EFR3B: variants seen among roughly 807,000 people sequenced by gnomAD.
The protein encoded by EFR3B is EFR3 homolog B, also known as protein EFR3 homolog B.
In EFR3B, 64 loss-of-function variants were observed where a neutral mutation model predicts 104.7. That is an observed-to-expected ratio of 0.61 (90% CI 0.50 to 0.75). EFR3B has a LOEUF of 0.75. EFR3B is among the 30% of genes least tolerant of loss of function. The pLI, the probability that EFR3B is intolerant of heterozygous loss-of-function variation, is 0.00. For missense variants in EFR3B, 750 were observed against 1,078.5 expected, an observed-to-expected ratio of 0.70 and a Z score of 4.27; for synonymous variants, 385 against 417.9, an observed-to-expected ratio of 0.92 and a Z score of 0.96.
chr2:25,125,729 A>G (rs577830663), intron 5 of EFR3B, among the ~76,000 whole-genome samples: 22 of 152,308 alleles, frequency 1.4e-4, no homozygotes, highest in African/African-American at 5.3e-4. Context: ...CGGGAGGATC[A>G]CAAGGTCAGC....
chr2:25,042,718 G>T lies in EFR3B; in HGVS notation c.7+399G>T. On this transcript the variant is annotated intron_variant, in intron 1 of 22. Coordinates refer to ENST00000403714, the MANE Select transcript of EFR3B (RefSeq NM_014971.2). This position sits in a 1 kb window ranked among gnomAD's most constrained non-coding sequence, Gnocchi z 5.4. ...AAGCCGGTCCAGGGCTGAGGGAGACGCCCGCGGCCGGTCGTCTGCGCGGCT... is the reference window on the plus strand; with the variant it reads ...AAGCCGGTCCAGGGCTGAGGGAGACTCCCGCGGCCGGTCGTCTGCGCGGCT... The T allele has an allele frequency of 1.0e-6, 1 of 993,490 alleles. No homozygotes were observed. The highest frequency in any genetic ancestry group is 1.0e-4 in the East Asian group (1 of 9,708). The allele number at this position is 993,490 out of a possible 1,614,324, so 61.5% of individuals were successfully genotyped here. A position where few individuals can be genotyped will look rare whatever the true frequency, so the allele number is the denominator to read the frequency against.
chr2:25,122,573 A>G (rs1398099283), intron 5 of EFR3B, among the ~76,000 whole-genome samples: 1 of 151,844 alleles, frequency 6.6e-6, no homozygotes, highest in Non-Finnish European at 1.5e-5. Flanking sequence ...CCTCCAGCAC[A>G]CCACAGACAC....
chr2:25,154,997 A>C lies in EFR3B; in HGVS notation c.*657A>C, dbSNP rs1446308198. On this transcript the variant is annotated 3_prime_UTR_variant, in exon 23 of 23. Coordinates refer to ENST00000403714, the MANE Select transcript of EFR3B (RefSeq NM_014971.2). This position sits in a 1 kb window ranked among gnomAD's most constrained non-coding sequence, Gnocchi z 4.1. ...TGGCAGGAGGTGGGCCTGTGGCATC[A>C]GCAGGCCCAGCGGGCGAGTGTGGTC... is the stretch of plus-strand genomic sequence containing the variant. 1 of 152,684 alleles carries C rather than the reference A, an allele frequency of 6.5e-6. No homozygotes were observed. The highest frequency in any genetic ancestry group is 1.5e-5 in the Non-Finnish European group (1 of 68,400). The allele number at this position is 152,684 out of a possible 1,614,324, so 9.5% of individuals were successfully genotyped here.
At chr2:25,043,203 AG>A (rs2149160407) in intron 1 of EFR3B, among the ~76,000 whole-genome samples, 1 of 152,264 alleles carries the variant, frequency 6.6e-6, no homozygotes, top group Admixed American at 6.5e-5. Context: ...TGATCCCGGT[AG>A]ACATAAGTCC....
intron 3 of EFR3B, among the ~76,000 whole-genome samples, chr2:25,096,014 C>G (rs1052806725): frequency 4.7e-5 from 7 of 148,078 alleles, no homozygotes; most frequent in African/African-American, 1.9e-4. Flanking sequence ...GTTCCATTCC[C>G]CACTGAGTCT....
chr2:25,042,291 G>T lies in EFR3B; in HGVS notation c.-22G>T. 1 of 1,295,758 alleles carries T rather than the reference G, an allele frequency of 7.7e-7. No individual in the cohort carries two copies. The highest frequency in any genetic ancestry group is 2.3e-5 in the South Asian group (1 of 43,982). The allele number at this position is 1,295,758 out of a possible 1,614,324, so 80.3% of individuals were successfully genotyped here. A position where few individuals can be genotyped will look rare whatever the true frequency, so the allele number is the denominator to read the frequency against. On this transcript the variant is annotated 5_prime_UTR_variant, in exon 1 of 23. Coordinates refer to ENST00000403714, the MANE Select transcript of EFR3B (RefSeq NM_014971.2). The surrounding 1 kb of genome is among the most constrained non-coding windows in gnomAD (Gnocchi z 5.4). ...AACGCCGCAGCGACGCCGGCCTCTC[G>T]AGAGGCGCGCGCCCCGCCGAGATGT...
rs1667604267 is a variant in EFR3B at position 25,042,662 on chromosome 2, A to C, written c.7+343A>C. The C allele has an allele frequency of 5.7e-6, 6 of 1,054,020 alleles. No homozygotes were observed. The highest frequency in any genetic ancestry group is 3.4e-6 in the Non-Finnish European group (3 of 874,536). 65.3% of individuals were successfully genotyped at this position (1,054,020 alleles called of 1,614,324 possible). On this transcript the variant is annotated intron_variant, in intron 1 of 22. Coordinates refer to ENST00000403714, the MANE Select transcript of EFR3B (RefSeq NM_014971.2). The surrounding 1 kb of genome is among the most constrained non-coding windows in gnomAD (Gnocchi z 5.4). Reference sequence around the variant, plus strand: ...GTGGCAGCATTTGCGGAATTAACAAAAGCGGTTTGTGCCTGGGAGTTTTCT... The same window carrying C: ...GTGGCAGCATTTGCGGAATTAACAACAGCGGTTTGTGCCTGGGAGTTTTCT...
chr2:25,054,752 G>A (rs1029688097), intron 1 of EFR3B, among the ~76,000 whole-genome samples: 2 of 152,136 alleles, frequency 1.3e-5, no homozygotes, highest in African/African-American at 4.8e-5. Flanking sequence ...TAGTAAGAAC[G>A]TAGAAACAGG....
At position 25,128,440 on chromosome 2, in the gene EFR3B, G is replaced by A. The variant is rs1670225991; in HGVS notation, c.635+108G>A. ...CAGTAAAACTCAGCTACAAGGCCAGGGACATGGCTTTGTGGCTTGTTCTGC... is the reference window on the plus strand; with the variant it reads ...CAGTAAAACTCAGCTACAAGGCCAGAGACATGGCTTTGTGGCTTGTTCTGC... On this transcript the variant is annotated intron_variant, in intron 6 of 22. Coordinates refer to ENST00000403714, the MANE Select transcript of EFR3B (RefSeq NM_014971.2). The A allele has an allele frequency of 3.5e-6, 5 of 1,412,596 alleles. No individual in the cohort carries two copies. In the South Asian group the frequency reaches 4.1e-5, roughly 11 times the overall value. The allele number at this position is 1,412,596 out of a possible 1,614,324, so 87.5% of individuals were successfully genotyped here.
chr2:25,042,300 G>A lies in EFR3B; in HGVS notation c.-13G>A, dbSNP rs1667594207. The A allele has an allele frequency of 1.0e-5, 13 of 1,291,580 alleles. No individual in the cohort carries two copies. Among genetic ancestry groups the A allele is most frequent in the Admixed American group, 4.1e-5 (1 of 24,150 alleles). The allele number at this position is 1,291,580 out of a possible 1,614,324, so 80.0% of individuals were successfully genotyped here. A position where few individuals can be genotyped will look rare whatever the true frequency, so the allele number is the denominator to read the frequency against. ...GCGACGCCGGCCTCTCGAGAGGCGC[G>A]CGCCCCGCCGAGATGTACGGTAAGG... On this transcript the variant is annotated 5_prime_UTR_variant, in exon 1 of 23. Coordinates refer to ENST00000403714, the MANE Select transcript of EFR3B (RefSeq NM_014971.2). The surrounding 1 kb of genome is among the most constrained non-coding windows in gnomAD (Gnocchi z 5.4).
chr2:25,079,170 C>A (rs1668719114), intron 1 of EFR3B, among the ~76,000 whole-genome samples: 1 of 152,188 alleles, frequency 6.6e-6, no homozygotes, highest in Non-Finnish European at 1.5e-5. Flanking sequence ...ACAGGTCATG[C>A]TACCTGCTTG....
At chr2:25,126,884 A>G (rs1164370072) in intron 5 of EFR3B, among the ~76,000 whole-genome samples, 1 of 152,026 alleles carries the variant, frequency 6.6e-6, no homozygotes, top group East Asian at 1.9e-4. Flanking sequence ...GATGCCCATC[A>G]TAGCATTATT....
At chr2:25,143,698 C>T (rs937462510) in intron 17 of EFR3B, 37 bp from the exon 18 acceptor site, 75 of 1,550,198 alleles carry the variant, frequency 4.8e-5, no homozygotes, top group African/African-American at 8.2e-5. Context: ...CTAGATACCG[C>T]GGTTCTAACG....
chr2:25,113,146 C>G (rs1669766595), intron 4 of EFR3B, among the ~76,000 whole-genome samples: 1 of 152,058 alleles, frequency 6.6e-6, no homozygotes, highest in South Asian at 2.1e-4. Context: ...TAGCAGTGCC[C>G]CCGGCCTTTG....
At chr2:25,138,551 C>T (rs919138611) in intron 15 of EFR3B, among the ~76,000 whole-genome samples, 3 of 152,324 alleles carry the variant, frequency 2.0e-5, no homozygotes, top group Middle Eastern at 3.4e-3. Context: ...GTGCTAAATC[C>T]TGCAGGGCCA....
chr2:25,051,076 C>G (rs1429990418), intron 1 of EFR3B, among the ~76,000 whole-genome samples: 1 of 152,052 alleles, frequency 6.6e-6, no homozygotes, highest in East Asian at 1.9e-4. Context: ...CATGGAGGCT[C>G]CACCCCCCTT....
Position 25,103,502 on chromosome 2 carries a change from G to A in EFR3B, c.213-135G>A, listed in dbSNP as rs201660815. 3.5e-4 allele frequency: 432 copies of A among 1,238,148 alleles called. No homozygotes were observed. In the East Asian group the frequency reaches 8.3e-3, roughly 24 times the overall value. 76.7% of individuals were successfully genotyped at this position (1,238,148 alleles called of 1,614,324 possible). On this transcript the variant is annotated intron_variant, in intron 3 of 22. Coordinates refer to ENST00000403714, the MANE Select transcript of EFR3B (RefSeq NM_014971.2). ...CACTTGTTGGAAAGGCTATCCAGAC[G>A]TTGGCAGCCTGTGGGGGAGCCTCAT...
intron 5 of EFR3B, among the ~76,000 whole-genome samples, chr2:25,125,821 G>A (rs554091029): frequency 9.2e-5 from 14 of 152,280 alleles, no homozygotes; most frequent in South Asian, 6.2e-4. Flanking sequence ...GGTGGCGGGC[G>A]CCTGTAGTCC....
At chr2:25,146,398 C>T (rs1670817380) in intron 19 of EFR3B, 1 of 152,140 alleles carries the variant, frequency 6.6e-6, no homozygotes, top group Admixed American at 6.5e-5. Context: ...TTATCCAGAA[C>T]CTTCCCACGG....
Sources: gnomAD v4.1 joint callset for allele counts (sites outside exome capture counted in the v4.1 genomes callset) on GRCh38, gnomAD v4.1.1 for gene constraint, Gnocchi (gnomAD v3.1) non-coding constraint, MANE v1.5 for transcripts, NCBI Gene and HGNC (gene_info 2026-07-23, HGNC 2026-07-21) for gene names.